Variants in GSE1 observed in about 807,000 individuals in gnomAD.
GSE1 encodes the protein genetic suppressor element 1.
A neutral mutation model predicts 112.6 loss-of-function variants in GSE1; 32 were observed. The ratio of observed to expected loss-of-function variants is 0.28; its 90% confidence interval spans 0.21 to 0.38. The LOEUF (loss-of-function observed/expected upper bound fraction) is 0.38, where lower values mean the gene tolerates loss of function less well. Ranked by LOEUF, GSE1 falls within the 10% of genes least tolerant of loss-of-function variation. The pLI is 1.00. For synonymous variants in GSE1, 1,115 were observed against 735.6 expected, an observed-to-expected ratio of 1.52 and a Z score of -8.35; for missense variants, 2,348 against 1,699.2, an observed-to-expected ratio of 1.38 and a Z score of -6.71.
At chr16:85,599,166 C>T (rs1483625836) in intron 1 of GSE1, among the ~76,000 whole-genome samples, 2 of 152,210 alleles carry the variant, frequency 1.3e-5, no homozygotes, top group Admixed American at 6.5e-5. Context: ...AGTTACCCGG[C>T]GCTTCCTGGA....
Position 85,675,845 on chromosome 16 carries a change from T to C in GSE1, c.*3306T>C, listed in dbSNP as rs1180025180. On this transcript the variant is annotated 3_prime_UTR_variant, in exon 16 of 16. Transcript: ENST00000253458. ...TATATTCTTTCAAGTAACCAAGCTG[T>C]TGACTTTCTTACTACTTGCAGTAGC... is the stretch of plus-strand genomic sequence containing the variant. The C allele has an allele frequency of 6.6e-6, 1 of 152,322 alleles. No individual in the cohort carries two copies. Among genetic ancestry groups the C allele is most frequent in the Non-Finnish European group, 1.5e-5 (1 of 68,048 alleles). 9.4% of individuals were successfully genotyped at this position (152,322 alleles called of 1,614,324 possible).
chr16:85,548,432 C>G (rs1008494729), intron 2 of GSE1, among the ~76,000 whole-genome samples: 3 of 151,670 alleles, frequency 2.0e-5, no homozygotes, highest in African/African-American at 7.3e-5. Context: ...TCTCTTCTGC[C>G]CTCCCGCCTC....
chr16:85,265,095 A>G (rs1225061319), intron 1 of GSE1, among the ~76,000 whole-genome samples: 3 of 152,218 alleles, frequency 2.0e-5, no homozygotes, highest in South Asian at 4.1e-4. Flanking sequence ...TATCACTGCA[A>G]TGGCGGGGGC....
chr16:85,668,100 T>C, intron 13 of GSE1, 40 bp from the exon 14 acceptor site: 2 of 1,494,454 alleles, frequency 1.3e-6, no homozygotes, highest in East Asian at 2.3e-5. Flanking sequence ...CCTGTGTCCC[T>C]TCCCCCAACA....
intron 1 of GSE1, among the ~76,000 whole-genome samples, chr16:85,276,414 C>T (rs1197757406): frequency 1.3e-5 from 2 of 152,230 alleles, no homozygotes; most frequent in Admixed American, 1.3e-4. Context: ...GCCAGGTCAG[C>T]GATTTGTTCA....
exon 1 of GSE1, chr16:85,171,615 G>A (rs576031283): frequency 1.0e-5 from 10 of 985,460 alleles, no homozygotes; most frequent in Non-Finnish European, 1.2e-5. Context: ...GTCTGGGGCT[G>A]AAGTCCGTGC....
Position 85,569,412 on chromosome 16 carries a change from G to C in GSE1, c.37+13049G>C, listed in dbSNP as rs185734050. 7.9e-5 allele frequency among the ~76,000 whole-genome samples: 12 copies of C among 152,344 alleles called. No homozygotes were observed. The East Asian group carries it at 2.3e-3, about 29-fold the overall frequency. On this transcript the variant is annotated intron_variant, in intron 1 of 2. Coordinates refer to the GSE1 transcript ENST00000635906. ...AATTCTTGCTCCGCCTTGAGTCCTT[G>C]TGTATGAGACTGTGGGCAAGTTACT...
intron 2 of GSE1, among the ~76,000 whole-genome samples, chr16:85,394,469 G>A (rs535632659): frequency 6.6e-6 from 1 of 152,252 alleles, no homozygotes; most frequent in South Asian, 2.1e-4. Flanking sequence ...CCTTTAAAGC[G>A]AATGATTTGG....
chr16:85,617,600 C>A, intron 1 of GSE1, among the ~76,000 whole-genome samples: 1 of 83,850 alleles, frequency 1.2e-5, no homozygotes, highest in African/African-American at 4.5e-5. Context: ...CAACCCTCCC[C>A]CCCCCCCCCC....
intron 1 of GSE1, among the ~76,000 whole-genome samples, chr16:85,590,445 ATG>A (rs138540526): frequency 0.033 from 4,779 of 144,214 alleles, 99 homozygotes; most frequent in Non-Finnish European, 0.048. Flanking sequence ...GAGTGTGAGC[ATG>A]TGTGATTGTG....
At chr16:85,176,270 GTGGAGGTGGCCATGGCC>G (rs2074462283) in intron 1 of GSE1, among the ~76,000 whole-genome samples, 1 of 152,240 alleles carries the variant, frequency 6.6e-6, no homozygotes, top group African/African-American at 2.4e-5. Context: ...GTCTGCAGTT[GTGGAGGTGGCCATGGCC>G]TGGAGGTGGG....
Position 85,451,798 on chromosome 16 carries a change from C to T in GSE1, c.2464+94155C>T, listed in dbSNP as rs1021244154. On this transcript the variant is annotated intron_variant, in intron 2 of 2. Coordinates refer to the GSE1 transcript ENST00000637419. ...GTGCGCTGGTGGTGGTTGGTGCCTG[C>T]GCTGGTGGTTGGTTCCTTCCTGTTT... 2.7e-5 allele frequency among the ~76,000 whole-genome samples: 4 copies of T among 147,220 alleles called. No homozygotes were observed. In the South Asian group the frequency reaches 6.5e-4, roughly 24 times the overall value.
chr16:85,187,354 G>T (rs1335628366), intron 1 of GSE1, among the ~76,000 whole-genome samples: 1 of 152,258 alleles, frequency 6.6e-6, no homozygotes, highest in African/African-American at 2.4e-5. Context: ...CAGTGCTGGG[G>T]GCAGCTTCAG....
intron 2 of GSE1, among the ~76,000 whole-genome samples, chr16:85,361,510 C>T (rs1216385321): frequency 5.3e-5 from 8 of 152,364 alleles, no homozygotes; most frequent in South Asian, 4.1e-4. Context: ...CCCTCTCTGC[C>T]CTCTCTGTCT....
intron 1 of GSE1, among the ~76,000 whole-genome samples, chr16:85,557,453 C>G (rs752112085): frequency 7.2e-5 from 11 of 152,044 alleles, no homozygotes; most frequent in Non-Finnish European, 1.3e-4. Context: ...AGGGGAAGTT[C>G]CTAGTTTTCC....
At chr16:85,378,247 G>A (rs2047466887) in intron 2 of GSE1, among the ~76,000 whole-genome samples, 1 of 152,174 alleles carries the variant, frequency 6.6e-6, no homozygotes, top group South Asian at 2.1e-4. Context: ...GGGACTCTGT[G>A]ATGTTCAGGT....
intron 2 of GSE1, among the ~76,000 whole-genome samples, chr16:85,365,862 C>T (rs974169054): frequency 6.6e-6 from 1 of 152,246 alleles, no homozygotes; most frequent in Non-Finnish European, 1.5e-5. Flanking sequence ...CCTGGCTCTG[C>T]TCCTTTGGAG....
At chr16:85,534,387 G>A (rs1598095030) in intron 2 of GSE1, among the ~76,000 whole-genome samples, 1 of 152,116 alleles carries the variant, frequency 6.6e-6, no homozygotes, top group Admixed American at 6.6e-5. Flanking sequence ...CTCCCAAAGT[G>A]CTGGGATTAC....
chr16:85,515,845 C>T (rs2051915109), intron 2 of GSE1, among the ~76,000 whole-genome samples: 2 of 152,162 alleles, frequency 1.3e-5, no homozygotes, highest in Non-Finnish European at 2.9e-5. Flanking sequence ...CCGGTCCCCT[C>T]CTGCCTCTTC....
Sources: allele counts gnomAD v4.1 joint callset (sites outside exome capture counted in the v4.1 genomes callset), GRCh38; gene constraint gnomAD v4.1.1; transcripts MANE v1.5; gene names NCBI Gene and HGNC (gene_info 2026-07-23, HGNC 2026-07-21).